Variants in GLCCI1 observed in about 807,000 individuals in gnomAD.
GLCCI1 encodes the protein glucocorticoid-induced transcript 1 protein.
GLCCI1 carries 24 observed loss-of-function variants against 52.2 expected under a neutral mutation model. That is an observed-to-expected ratio of 0.46 (90% confidence interval 0.33 to 0.65). GLCCI1 has a LOEUF of 0.65. GLCCI1 is among the 30% of genes least tolerant of loss of function. The pLI, the probability that GLCCI1 is intolerant of heterozygous loss-of-function variation, is 0.02. For missense variants in GLCCI1, 704 were observed against 701.5 expected (o/e 1.00, Z -0.04); for synonymous variants, 310 against 276.5 (o/e 1.12, Z -1.20).
At chr7:8,042,824 C>T (rs1028222267) in intron 3 of GLCCI1, among the ~76,000 whole-genome samples, 2 of 152,112 alleles carry the variant, frequency 1.3e-5, no homozygotes, top group African/African-American at 4.8e-5. Context: ...TTACATAAAC[C>T]TAGTTGATAA....
chr7:7,985,278 GAGAA>G (rs1780699607), intron 1 of GLCCI1, among the ~76,000 whole-genome samples: 1 of 152,084 alleles, frequency 6.6e-6, no homozygotes, highest in Non-Finnish European at 1.5e-5. Context: ...GAGGGAGAAA[GAGAA>G]AGAGAGTAAT....
intron 6 of GLCCI1, among the ~76,000 whole-genome samples, chr7:8,079,183 T>C (rs533974249): frequency 2.2e-4 from 33 of 152,280 alleles, no homozygotes; most frequent in South Asian, 4.1e-4. Context: ...TGATTTTTTT[T>C]CCCCACACGT....
At chr7:8,063,939 T>C (rs375509149) in intron 5 of GLCCI1, among the ~76,000 whole-genome samples, 1 of 152,336 alleles carries the variant, frequency 6.6e-6, no homozygotes. Context: ...TTGCCCACTT[T>C]TTAATGGGAT....
intron 2 of GLCCI1, among the ~76,000 whole-genome samples, chr7:8,005,694 A>C (rs747607049): frequency 7.2e-5 from 11 of 152,236 alleles, no homozygotes; most frequent in Non-Finnish European, 1.3e-4. Context: ...ACTGCACTAA[A>C]AAATGGTAGC....
At chr7:8,005,272 GA>G (rs753169773) in intron 2 of GLCCI1, among the ~76,000 whole-genome samples, 2 of 151,576 alleles carry the variant, frequency 1.3e-5, no homozygotes, top group Non-Finnish European at 2.9e-5. Flanking sequence ...ATTTTAAAAA[GA>G]AAAAAATTTA....
intron 3 of GLCCI1, among the ~76,000 whole-genome samples, chr7:8,023,823 T>C (rs1781553301): frequency 6.6e-6 from 1 of 151,920 alleles, no homozygotes; most frequent in Non-Finnish European, 1.5e-5. Flanking sequence ...AGTCTCGAAC[T>C]CCTGACCTTA....
chr7:8,012,866 C>T (rs1229065580), intron 2 of GLCCI1, among the ~76,000 whole-genome samples: 1 of 152,116 alleles, frequency 6.6e-6, no homozygotes, highest in Non-Finnish European at 1.5e-5. Flanking sequence ...CTTGCCAAAT[C>T]CAGTGTCAGG....
At chr7:7,981,312 GTC>G (rs532502101) in intron 1 of GLCCI1, 62 of 225,154 alleles carry the variant, frequency 2.8e-4, no homozygotes, top group Non-Finnish European at 4.3e-4. Flanking sequence ...CTTTCTTTCT[GTC>G]TCTCTTTCTT....
intron 3 of GLCCI1, among the ~76,000 whole-genome samples, chr7:8,051,301 A>AT (rs1367562250): frequency 6.6e-6 from 1 of 152,210 alleles, no homozygotes; most frequent in East Asian, 1.9e-4. Context: ...CCGGTAGCTC[A>AT]TTCCTCTTTG....
intron 6 of GLCCI1, among the ~76,000 whole-genome samples, chr7:8,073,626 A>G (rs1782813018): frequency 1.3e-5 from 2 of 152,144 alleles, no homozygotes; most frequent in African/African-American, 4.8e-5. Flanking sequence ...TCCTCATATC[A>G]TTGAGGTTAC....
chr7:7,990,382 A>C (rs1270737213), intron 1 of GLCCI1, among the ~76,000 whole-genome samples: 1 of 152,014 alleles, frequency 6.6e-6, no homozygotes, highest in Non-Finnish European at 1.5e-5. Context: ...ATATCAATTG[A>C]CTCTTTTTGA....
chr7:8,086,073 A>C lies in GLCCI1; in HGVS notation c.1299-120A>C. On this transcript the variant is annotated intron_variant, in intron 7 of 7. Transcript: ENST00000223145. The surrounding 1 kb of genome is among the most constrained non-coding windows in gnomAD (Gnocchi z 4.4). ...GGAAGATGTTTACCCCTCTGTATACACTTAACCCATCTCCTGCCATTTACA... is the reference window on the plus strand; with the variant it reads ...GGAAGATGTTTACCCCTCTGTATACCCTTAACCCATCTCCTGCCATTTACA... 5.0e-6 allele frequency: 4 copies of C among 807,624 alleles called. No individual in the cohort carries two copies. The highest frequency in any genetic ancestry group is 7.9e-6 in the Non-Finnish European group (4 of 505,706). 50.0% of individuals were successfully genotyped at this position (807,624 alleles called of 1,614,324 possible). A position where few individuals can be genotyped will look rare whatever the true frequency, so the allele number is the denominator to read the frequency against.
At chr7:8,038,030 G>A (rs1781906629) in intron 3 of GLCCI1, among the ~76,000 whole-genome samples, 1 of 152,144 alleles carries the variant, frequency 6.6e-6, no homozygotes, top group South Asian at 2.1e-4. Flanking sequence ...TTGGACTCTA[G>A]ATCAAATGGA....
At chr7:8,012,309 A>G (rs548974634) in intron 2 of GLCCI1, among the ~76,000 whole-genome samples, 5 of 149,556 alleles carry the variant, frequency 3.3e-5, no homozygotes, top group East Asian at 2.0e-4. Flanking sequence ...TCCTTTGTCT[A>G]TTTTTGAATT....
At chr7:8,041,277 AG>A (rs1781993402) in intron 3 of GLCCI1, among the ~76,000 whole-genome samples, 1 of 152,210 alleles carries the variant, frequency 6.6e-6, no homozygotes, top group Non-Finnish European at 1.5e-5. Context: ...ATTCTGTGAC[AG>A]CTGAGAGAGA....
intron 1 of GLCCI1, among the ~76,000 whole-genome samples, chr7:8,001,539 CAGT>C (rs1376855043): frequency 6.6e-6 from 1 of 152,158 alleles, no homozygotes; most frequent in East Asian, 1.9e-4. Context: ...TTGTGGAAGA[CAGT>C]GGTGATTCCT....
At position 8,086,709 on chromosome 7, in the gene GLCCI1, T is replaced by A; in HGVS notation, c.*171T>A. 1.6e-6 allele frequency: 1 copy of A among 609,228 alleles called. No homozygotes were observed. The highest frequency in any genetic ancestry group is 2.8e-6 in the Non-Finnish European group (1 of 355,438). 37.7% of individuals were successfully genotyped at this position (609,228 alleles called of 1,614,324 possible). On this transcript the variant is annotated 3_prime_UTR_variant, in exon 8 of 8. Coordinates refer to ENST00000223145, the MANE Select transcript of GLCCI1 (RefSeq NM_138426.4). The surrounding 1 kb of genome is among the most constrained non-coding windows in gnomAD (Gnocchi z 4.4). Reference sequence around the variant, plus strand: ...CAGGGACGGAACTCCTATTCAGCAGTTTTTGTGGAAAGCAGTAATGCTTGC... The same window carrying A: ...CAGGGACGGAACTCCTATTCAGCAGATTTTGTGGAAAGCAGTAATGCTTGC...
At chr7:8,047,003 A>G (rs569746977) in intron 3 of GLCCI1, among the ~76,000 whole-genome samples, 77 of 150,360 alleles carry the variant, frequency 5.1e-4, no homozygotes, top group African/African-American at 1.3e-3. Context: ...AGAAACAGAG[A>G]GGGGGAAAAA....
At chr7:8,024,494 G>A (rs982361529) in intron 3 of GLCCI1, among the ~76,000 whole-genome samples, 3 of 152,172 alleles carry the variant, frequency 2.0e-5, no homozygotes, top group African/African-American at 7.2e-5. Flanking sequence ...AGTTATCAAC[G>A]AGATTTAGGC....
Sources: gnomAD v4.1 joint callset for allele counts (sites outside exome capture counted in the v4.1 genomes callset) on GRCh38, gnomAD v4.1.1 for gene constraint, Gnocchi (gnomAD v3.1) non-coding constraint, MANE v1.5 for transcripts, NCBI Gene and HGNC (gene_info 2026-07-23, HGNC 2026-07-21) for gene names.